STARD13: variants seen among roughly 807,000 people sequenced by gnomAD.
STARD13 encodes the protein StAR related lipid transfer domain containing 13, also known as stAR-related lipid transfer protein 13.
STARD13 carries 62 observed loss-of-function variants against 106.4 expected under a neutral mutation model. The ratio of observed to expected loss-of-function variants is 0.58; its 90% CI spans 0.48 to 0.72. STARD13 has a LOEUF of 0.72. Among genes scored for constraint, STARD13 ranks in the 30% least tolerant of loss-of-function variants. STARD13 has a pLI of 0.00. For synonymous variants in STARD13, 565 were observed against 553.0 expected, an observed-to-expected ratio of 1.02 and a Z score of -0.31; for missense variants, 1,387 against 1,424.0, an observed-to-expected ratio of 0.97 and a Z score of 0.42.
the STARD13 span, among the ~76,000 whole-genome samples, chr13:33,604,269 G>A: frequency 6.6e-6 from 1 of 152,052 alleles, no homozygotes; most frequent in South Asian, 2.1e-4. Flanking sequence ...GATCTGAGAG[G>A]CAGAAATTTC....
the STARD13 span, among the ~76,000 whole-genome samples, chr13:33,407,679 G>T: frequency 7.2e-5 from 11 of 152,180 alleles, no homozygotes; most frequent in African/African-American, 2.7e-4. Flanking sequence ...GAGCTTAAAT[G>T]AATCTTGTTA....
chr13:33,499,648 C>CTT, the STARD13 span, among the ~76,000 whole-genome samples: 5 of 69,678 alleles, frequency 7.2e-5, 1 homozygote, highest in East Asian at 1.5e-3. Context: ...TTCTTCTTCT[C>CTT]CTTCTTCTTC....
exon 2 of STARD13, chr13:33,348,739 C>A: frequency 4.5e-6 from 1 of 220,396 alleles, no homozygotes; most frequent in Non-Finnish European, 9.4e-6. Flanking sequence ...GTCTACAGTG[C>A]ATGTACAGGT....
At chr13:33,517,842 T>C in the STARD13 span, among the ~76,000 whole-genome samples, 1 of 152,128 alleles carries the variant, frequency 6.6e-6, no homozygotes, top group African/African-American at 2.4e-5. Flanking sequence ...AACAAACCAT[T>C]GTCAATCCAT....
At chr13:33,223,639 A>T (rs1888470332) in intron 1 of STARD13, among the ~76,000 whole-genome samples, 1 of 151,142 alleles carries the variant, frequency 6.6e-6, no homozygotes, top group Non-Finnish European at 1.5e-5. Context: ...AGCCTGGGCA[A>T]CAAGAGCAAA....
At chr13:33,138,681 G>A (rs914138150) in intron 4 of STARD13, 11 of 308,778 alleles carry the variant, frequency 3.6e-5, no homozygotes, top group Admixed American at 1.8e-4. Flanking sequence ...TGGGAATGCC[G>A]CGGGAGTGGA....
At chr13:33,186,376 C>T (rs1421574840) in intron 1 of STARD13, among the ~76,000 whole-genome samples, 1 of 152,192 alleles carries the variant, frequency 6.6e-6, no homozygotes, top group African/African-American at 2.4e-5. Context: ...CAGAACTCTC[C>T]TCTCGTAAAG....
chr13:33,496,667 CT>C, the STARD13 span, among the ~76,000 whole-genome samples: 11 of 152,156 alleles, frequency 7.2e-5, 1 homozygote, highest in South Asian at 2.3e-3. Context: ...ATGTTTAACT[CT>C]TTTTCTATAA....
chr13:33,207,832 C>T (rs568159823), intron 1 of STARD13, among the ~76,000 whole-genome samples: 9 of 152,316 alleles, frequency 5.9e-5, no homozygotes, highest in African/African-American at 1.9e-4. Flanking sequence ...AGGCCCTGCT[C>T]GATGCAGGCT....
the STARD13 span, among the ~76,000 whole-genome samples, chr13:33,588,685 C>T: frequency 1.3e-5 from 2 of 152,158 alleles, no homozygotes; most frequent in African/African-American, 2.4e-5. Flanking sequence ...AGGGGCACAT[C>T]GCAAATGTTA....
chr13:33,519,387 A>G, the STARD13 span, among the ~76,000 whole-genome samples: 121 of 144,890 alleles, frequency 8.4e-4, no homozygotes, highest in African/African-American at 3.0e-3. Flanking sequence ...GAACCCCATC[A>G]CCATGTTGGT....
intron 1 of STARD13, among the ~76,000 whole-genome samples, chr13:33,230,047 G>C (rs1888833265): frequency 6.6e-6 from 1 of 152,202 alleles, no homozygotes. Context: ...AGACAAGCAA[G>C]AACACAGGGA....
the STARD13 span, among the ~76,000 whole-genome samples, chr13:33,587,115 C>T: frequency 6.6e-6 from 1 of 151,488 alleles, no homozygotes; most frequent in African/African-American, 2.4e-5. Flanking sequence ...ACTCAGGAGG[C>T]TGGGGCAGGA....
At chr13:33,572,326 A>G in the STARD13 span, among the ~76,000 whole-genome samples, 4 of 152,180 alleles carry the variant, frequency 2.6e-5, no homozygotes, top group Admixed American at 1.3e-4. Context: ...GTTTTGGCCA[A>G]TCAAATGTAG....
At chr13:33,526,961 C>A in the STARD13 span, among the ~76,000 whole-genome samples, 2 of 152,002 alleles carry the variant, frequency 1.3e-5, no homozygotes, top group Non-Finnish European at 2.9e-5. Context: ...GTTTTTAGAA[C>A]CATTACAAAT....
chr13:33,254,187 C>A (rs537538023), intron 1 of STARD13, among the ~76,000 whole-genome samples: 3 of 152,136 alleles, frequency 2.0e-5, no homozygotes, highest in Non-Finnish European at 4.4e-5. Flanking sequence ...GGTGGCAAAG[C>A]GGACTGAGGT....
At chr13:33,194,797 T>C (rs1033926792) in intron 1 of STARD13, among the ~76,000 whole-genome samples, 1 of 152,220 alleles carries the variant, frequency 6.6e-6, no homozygotes, top group Non-Finnish European at 1.5e-5. Context: ...ACTGTTTTTT[T>C]GAAAGGAGAT....
At chr13:33,570,961 A>G in the STARD13 span, among the ~76,000 whole-genome samples, 15 of 152,304 alleles carry the variant, frequency 9.8e-5, no homozygotes, top group African/African-American at 3.6e-4. Flanking sequence ...TATGAATATT[A>G]TCCTCAACTA....
the STARD13 span, among the ~76,000 whole-genome samples, chr13:33,403,382 G>T: frequency 6.6e-6 from 1 of 152,180 alleles, no homozygotes; most frequent in Non-Finnish European, 1.5e-5. Flanking sequence ...TGGAGTTAGG[G>T]GTTTCCTAAA....
Sources: gnomAD v4.1 joint callset for allele counts (sites outside exome capture counted in the v4.1 genomes callset) on GRCh38, gnomAD v4.1.1 for gene constraint, MANE v1.5 for transcripts, NCBI Gene and HGNC (gene_info 2026-07-23, HGNC 2026-07-21) for gene names.